RANBP2: variants seen among roughly 807,000 people sequenced by gnomAD.
RANBP2 encodes RAN binding protein 2.
A neutral mutation model predicts 303.6 loss-of-function variants in RANBP2; 57 were observed. That is an observed-to-expected ratio of 0.19 (90% CI 0.15 to 0.23). RANBP2 has a LOEUF of 0.23. Ranked by LOEUF, RANBP2 falls within the 10% of genes least tolerant of loss-of-function variation. The pLI is 1.00. For missense variants in RANBP2, 3,138 were observed against 3,780.8 expected, an observed-to-expected ratio of 0.83 and a Z score of 4.46; for synonymous variants, 1,167 against 1,301.5, an observed-to-expected ratio of 0.90 and a Z score of 2.23.
the RANBP2 span, among the ~76,000 whole-genome samples, chr2:109,367,028 A>G: frequency 6.6e-6 from 1 of 151,614 alleles, no homozygotes; most frequent in Non-Finnish European, 1.5e-5. Flanking sequence ...ATCTTGGTTC[A>G]CTGCAACTTT....
Position 108,731,895 on chromosome 2 carries a change from T to C in RANBP2, c.405+421T>C, listed in dbSNP as rs1367579513. ...GGATTGCATTTTGAGATAGTAAGGT[T>C]TTCAAGCAAAAGACAAAAGGTGGTT... On this transcript the variant is annotated intron_variant, in intron 4 of 28. Coordinates refer to ENST00000283195, the MANE Select transcript of RANBP2 (RefSeq NM_006267.5). 9 of 193,246 alleles carry C rather than the reference T, an allele frequency of 4.7e-5. No homozygotes were observed. The Admixed American group carries it at 4.8e-4, about 10-fold the overall frequency. The allele number at this position is 193,246 out of a possible 1,614,324, so 12.0% of individuals were successfully genotyped here.
At chr2:109,007,887 A>AG in the RANBP2 span, among the ~76,000 whole-genome samples, 1 of 151,460 alleles carries the variant, frequency 6.6e-6, no homozygotes, top group African/African-American at 2.4e-5. Flanking sequence ...AACCACAAGA[A>AG]ATCTAAACCT....
At chr2:109,551,031 G>T in the RANBP2 span, among the ~76,000 whole-genome samples, 2 of 152,150 alleles carry the variant, frequency 1.3e-5, no homozygotes, top group African/African-American at 4.8e-5. Flanking sequence ...TCTTAAAGTG[G>T]GGAGGGTATA....
At chr2:109,133,999 T>C in the RANBP2 span, among the ~76,000 whole-genome samples, 27 of 152,210 alleles carry the variant, frequency 1.8e-4, no homozygotes, top group African/African-American at 6.3e-4. Flanking sequence ...GGATAGAGGG[T>C]GTCTATGGTA....
At chr2:109,087,815 C>G in the RANBP2 span, among the ~76,000 whole-genome samples, 1 of 152,076 alleles carries the variant, frequency 6.6e-6, no homozygotes, top group Admixed American at 6.6e-5. Context: ...AACAGGGCAG[C>G]CTCCATGAGG....
At chr2:109,261,974 G>T in the RANBP2 span, among the ~76,000 whole-genome samples, 1 of 152,118 alleles carries the variant, frequency 6.6e-6, no homozygotes, top group Non-Finnish European at 1.5e-5. Context: ...TACATCAGAG[G>T]AAGGGCCACA....
the RANBP2 span, among the ~76,000 whole-genome samples, chr2:109,606,672 C>CTTTTTTTTTTTTTTTTTTTTTT: frequency 1.4e-5 from 1 of 71,896 alleles, no homozygotes. Context: ...AAATTTTAAG[C>CTTTTTTTTTTTTTTTTTTTTTT]TTTTTTTTTT....
the RANBP2 span, among the ~76,000 whole-genome samples, chr2:109,260,359 AG>A: frequency 6.6e-6 from 1 of 152,220 alleles, no homozygotes; most frequent in East Asian, 1.9e-4. Context: ...ACCCGAGGTC[AG>A]GGAGCTGCAT....
chr2:109,383,377 A>G, the RANBP2 span, among the ~76,000 whole-genome samples: 1 of 152,072 alleles, frequency 6.6e-6, no homozygotes, highest in African/African-American at 2.4e-5. Flanking sequence ...GATCTATCCT[A>G]CAGGTCTCGG....
the RANBP2 span, among the ~76,000 whole-genome samples, chr2:109,510,968 G>A: frequency 5.3e-5 from 8 of 152,130 alleles, no homozygotes; most frequent in African/African-American, 1.2e-4. Flanking sequence ...CACCCTCTGC[G>A]CCCGCCCCAT....
chr2:109,469,460 C>G, the RANBP2 span, among the ~76,000 whole-genome samples: 3 of 152,176 alleles, frequency 2.0e-5, no homozygotes, highest in Admixed American at 2.0e-4. Flanking sequence ...ACAGTAATGC[C>G]TGTTGTGCAG....
intron 23 of RANBP2, among the ~76,000 whole-genome samples, chr2:108,773,331 C>G (rs113823082): frequency 6.6e-6 from 1 of 151,894 alleles, no homozygotes; most frequent in African/African-American, 2.4e-5. Context: ...TTGGGCCAGG[C>G]TGGTCTCGAA....
At chr2:109,550,586 T>C in the RANBP2 span, among the ~76,000 whole-genome samples, 7 of 152,232 alleles carry the variant, frequency 4.6e-5, no homozygotes, top group African/African-American at 1.7e-4. Flanking sequence ...AGTGCTAGGA[T>C]TGCAGGCGTG....
chr2:108,731,614 A>G lies in RANBP2; in HGVS notation c.405+140A>G, dbSNP rs988945577. The G allele has an allele frequency of 2.8e-5, 42 of 1,502,540 alleles. No homozygotes were observed. The African/African-American group carries it at 4.8e-4, about 17-fold the overall frequency. 93.1% of individuals were successfully genotyped at this position (1,502,540 alleles called of 1,614,324 possible). A position where few individuals can be genotyped will look rare whatever the true frequency, so the allele number is the denominator to read the frequency against. On this transcript the variant is annotated intron_variant, in intron 4 of 28. Coordinates refer to ENST00000283195, the MANE Select transcript of RANBP2 (RefSeq NM_006267.5). ...AAAATTTTCTTTTAAAAAGTGTGTT[A>G]AAACCTTTCTGAGCATCTACTGTCT... is the stretch of plus-strand genomic sequence containing the variant.
the RANBP2 span, among the ~76,000 whole-genome samples, chr2:109,735,709 G>A: frequency 6.6e-6 from 1 of 152,156 alleles, no homozygotes; most frequent in East Asian, 1.9e-4. Context: ...CTTACTACAT[G>A]AGAAAATCAA....
the RANBP2 span, chr2:109,616,322 T>A: frequency 3.0e-6 from 1 of 332,456 alleles, no homozygotes; most frequent in Non-Finnish European, 5.5e-6. Flanking sequence ...TTCTGGAGAC[T>A]AGAAATGTAT....
the RANBP2 span, among the ~76,000 whole-genome samples, chr2:109,530,890 A>T: frequency 6.6e-6 from 1 of 152,150 alleles, no homozygotes; most frequent in African/African-American, 2.4e-5. Flanking sequence ...GCCACTGCAC[A>T]TCTACGGAGA....
the RANBP2 span, among the ~76,000 whole-genome samples, chr2:108,967,556 C>T: frequency 6.6e-6 from 1 of 152,092 alleles, no homozygotes; most frequent in South Asian, 2.1e-4. Context: ...CAAGTGACTT[C>T]CTAATTTTTC....
chr2:108,849,733 T>G, the RANBP2 span, among the ~76,000 whole-genome samples: 1 of 152,218 alleles, frequency 6.6e-6, no homozygotes, highest in African/African-American at 2.4e-5. Context: ...AGTTCTCCCT[T>G]TCCTTATAGT....
Sources: gnomAD v4.1 joint callset for allele counts (sites outside exome capture counted in the v4.1 genomes callset) on GRCh38, gnomAD v4.1.1 for gene constraint, MANE v1.5 for transcripts, NCBI Gene and HGNC (gene_info 2026-07-23, HGNC 2026-07-21) for gene names.